ERC2: variants seen among roughly 807,000 people sequenced by gnomAD.
The protein encoded by ERC2 is ERC protein 2.
In ERC2, 42 loss-of-function variants were observed where a neutral mutation model predicts 114.8. The ratio of observed to expected loss-of-function variants is 0.37; its 90% CI spans 0.29 to 0.47. ERC2 has a LOEUF of 0.47. Among genes scored for constraint, ERC2 ranks in the 20% least tolerant of loss-of-function variants. The probability of loss-of-function intolerance (pLI) is 0.99; values close to 1 mark genes in which losing one functional copy is unlikely to be tolerated. For missense variants in ERC2, 939 were observed against 1,150.7 expected, an observed-to-expected ratio of 0.82 and a Z score of 2.66; for synonymous variants, 454 against 425.5, an observed-to-expected ratio of 1.07 and a Z score of -0.82.
At chr3:55,912,670 G>A (rs879919605) in intron 13 of ERC2, among the ~76,000 whole-genome samples, 7 of 151,654 alleles carry the variant, frequency 4.6e-5, no homozygotes, top group African/African-American at 7.3e-5. Flanking sequence ...AATATATCAG[G>A]GAATTAACAG....
chr3:56,156,525 T>G (rs1451348798), intron 4 of ERC2, among the ~76,000 whole-genome samples: 1 of 151,966 alleles, frequency 6.6e-6, no homozygotes, highest in Non-Finnish European at 1.5e-5. Context: ...AGTAGCTGAA[T>G]TTGGGGACCC....
intron 14 of ERC2, among the ~76,000 whole-genome samples, chr3:55,753,387 C>T (rs947824234): frequency 3.3e-5 from 5 of 152,120 alleles, no homozygotes; most frequent in Non-Finnish European, 7.3e-5. Flanking sequence ...ATTACCTACC[C>T]CCGAGGTCAC....
intron 2 of ERC2, among the ~76,000 whole-genome samples, chr3:56,320,412 C>T (rs1233380685): frequency 6.6e-6 from 1 of 152,232 alleles, no homozygotes; most frequent in African/African-American, 2.4e-5. Flanking sequence ...ACAAAAACAG[C>T]TTACCACTGA....
intron 6 of ERC2, among the ~76,000 whole-genome samples, chr3:56,116,478 G>C (rs2079241281): frequency 6.6e-6 from 1 of 152,218 alleles, no homozygotes; most frequent in Non-Finnish European, 1.5e-5. Context: ...GGCATCTACA[G>C]AAGGAACAGG....
intron 2 of ERC2, among the ~76,000 whole-genome samples, chr3:56,380,891 G>T (rs1272870236): frequency 6.6e-6 from 1 of 152,256 alleles, no homozygotes; most frequent in East Asian, 1.9e-4. Flanking sequence ...TATTTTAAAT[G>T]ATAATTGACC....
At chr3:56,431,036 C>T (rs1680600609) in intron 2 of ERC2, among the ~76,000 whole-genome samples, 3 of 152,166 alleles carry the variant, frequency 2.0e-5, no homozygotes, top group South Asian at 2.1e-4. Flanking sequence ...ATTCTCTCTA[C>T]ATTTATGCTT....
chr3:55,995,144 C>A (rs181900222), intron 10 of ERC2, among the ~76,000 whole-genome samples: 1 of 152,136 alleles, frequency 6.6e-6, no homozygotes, highest in Non-Finnish European at 1.5e-5. Flanking sequence ...ACCATCCTGG[C>A]CAATATGGTA....
At chr3:56,241,286 G>GA (rs1278976628) in intron 3 of ERC2, among the ~76,000 whole-genome samples, 2 of 151,878 alleles carry the variant, frequency 1.3e-5, no homozygotes, top group African/African-American at 4.8e-5. Flanking sequence ...ACAAACACAT[G>GA]AAAAAAATGC....
chr3:55,824,056 C>G (rs1296374600), intron 14 of ERC2, among the ~76,000 whole-genome samples: 7 of 152,208 alleles, frequency 4.6e-5, no homozygotes, highest in South Asian at 2.1e-4. Context: ...CCTGCTACCT[C>G]TATGCATGTC....
At position 56,310,880 on chromosome 3, in the gene ERC2, A is replaced by G. The variant is rs185464192; in HGVS notation, c.658-14445T>C. Among the ~76,000 whole-genome samples, 4 of 151,938 alleles carry G rather than the reference A, an allele frequency of 2.6e-5. No individual in the cohort carries two copies. The East Asian group carries it at 7.7e-4, about 29-fold the overall frequency. On this transcript the variant is annotated intron_variant, in intron 2 of 17. Coordinates refer to ENST00000288221, the MANE Select transcript of ERC2 (RefSeq NM_015576.3). ...GAAGGTGTGAGAAATGCTTCCCTAA[A>G]CTTAAAAAAAAAAAGTTTCAGTTTT...
chr3:55,963,343 T>C (rs977601678), intron 12 of ERC2, among the ~76,000 whole-genome samples: 3 of 152,210 alleles, frequency 2.0e-5, no homozygotes, highest in Admixed American at 1.3e-4. Flanking sequence ...CTTCTTCCTG[T>C]ACAGACAGAT....
chr3:55,626,923 C>T (rs2059543725), intron 17 of ERC2, among the ~76,000 whole-genome samples: 1 of 152,230 alleles, frequency 6.6e-6, no homozygotes, highest in African/African-American at 2.4e-5. Context: ...GGACATTGTA[C>T]AGGTCAAATG....
At chr3:55,881,010 T>C (rs1034137589) in intron 14 of ERC2, among the ~76,000 whole-genome samples, 35 of 152,330 alleles carry the variant, frequency 2.3e-4, no homozygotes, top group African/African-American at 8.4e-4. Context: ...ATTGAGTTTA[T>C]CAATTTTAAG....
intron 17 of ERC2, among the ~76,000 whole-genome samples, chr3:55,533,066 G>T (rs926658469): frequency 7.9e-5 from 12 of 152,262 alleles, no homozygotes; most frequent in Non-Finnish European, 1.5e-5. Context: ...AACCTGCAAA[G>T]ACAGGGTCAA....
At chr3:55,808,701 TTATATATATATATATATATATATATATA>T (rs377604698) in intron 14 of ERC2, among the ~76,000 whole-genome samples, 4 of 61,738 alleles carry the variant, frequency 6.5e-5, no homozygotes, top group Non-Finnish European at 8.8e-5. Flanking sequence ...TACCATAATT[TTATATATATATATATATATATATATATA>T]TATATATATA....
At chr3:55,646,769 C>A (rs894284282) in intron 17 of ERC2, among the ~76,000 whole-genome samples, 1 of 152,086 alleles carries the variant, frequency 6.6e-6, no homozygotes. Flanking sequence ...CCGGAATAGA[C>A]TAGATACTCA....
chr3:56,205,934 T>A (rs140134616), intron 3 of ERC2, among the ~76,000 whole-genome samples: 4 of 152,292 alleles, frequency 2.6e-5, no homozygotes, highest in African/African-American at 4.8e-5. Flanking sequence ...TCCTTTCTTC[T>A]GGCCATAAGA....
chr3:56,044,050 AC>A (rs1343083095), intron 7 of ERC2, among the ~76,000 whole-genome samples: 1 of 152,214 alleles, frequency 6.6e-6, no homozygotes, highest in Admixed American at 6.5e-5. Context: ...GACAGGCTTT[AC>A]AATTCGGCTG....
intron 2 of ERC2, among the ~76,000 whole-genome samples, chr3:56,366,954 C>T (rs75591821): frequency 6.6e-6 from 1 of 152,146 alleles, no homozygotes; most frequent in African/African-American, 2.4e-5. Flanking sequence ...GCGCAGATTG[C>T]CAGGTCAGCA....
Sources: gnomAD v4.1 joint callset for allele counts (sites outside exome capture counted in the v4.1 genomes callset) on GRCh38, gnomAD v4.1.1 for gene constraint, MANE v1.5 for transcripts, NCBI Gene and HGNC (gene_info 2026-07-23, HGNC 2026-07-21) for gene names.